GRXCR1: variants seen among roughly 807,000 people sequenced by gnomAD.
The protein encoded by GRXCR1 is glutaredoxin and cysteine rich domain containing 1.
In GRXCR1, 27 loss-of-function variants were observed where a neutral mutation model predicts 27.3. The ratio of observed to expected loss-of-function variants is 0.99; its 90% CI spans 0.73 to 1.37. GRXCR1 has a LOEUF of 1.37. GRXCR1 is among the 40% of genes most tolerant of loss of function. The pLI is 0.00. For missense variants in GRXCR1, 379 were observed against 354.4 expected (o/e 1.07, Z -0.56); for synonymous variants, 122 against 131.1 (o/e 0.93, Z 0.47).
chr4:42,905,553 A>G (rs979388436), intron 1 of GRXCR1, among the ~76,000 whole-genome samples: 3 of 152,168 alleles, frequency 2.0e-5, no homozygotes, highest in Non-Finnish European at 4.4e-5. Flanking sequence ...GTGGCTTTAT[A>G]TATGATAAAG....
intron 1 of GRXCR1, among the ~76,000 whole-genome samples, chr4:42,918,869 G>C (rs779536482): frequency 6.6e-6 from 1 of 152,066 alleles, no homozygotes; most frequent in East Asian, 1.9e-4. Flanking sequence ...ATTAAAAAGC[G>C]AGTGGAGTCT....
intron 2 of GRXCR1, among the ~76,000 whole-genome samples, chr4:42,978,847 G>T (rs1434147644): frequency 1.3e-5 from 2 of 152,124 alleles, no homozygotes; most frequent in Middle Eastern, 3.4e-3. Flanking sequence ...AAAGAGACCA[G>T]GTGGAGGTAA....
intron 2 of GRXCR1, among the ~76,000 whole-genome samples, chr4:43,008,544 T>G (rs1428126267): frequency 6.6e-6 from 1 of 152,244 alleles, no homozygotes; most frequent in East Asian, 1.9e-4. Context: ...AAATTTAATA[T>G]ATTACTATCA....
intron 2 of GRXCR1, among the ~76,000 whole-genome samples, chr4:42,984,736 A>C (rs964059875): frequency 1.3e-5 from 2 of 152,124 alleles, no homozygotes; most frequent in Non-Finnish European, 2.9e-5. Context: ...CAGACCAGAA[A>C]CTCAGAACTG....
chr4:42,911,259 T>C (rs1320200208), intron 1 of GRXCR1, among the ~76,000 whole-genome samples: 3 of 152,282 alleles, frequency 2.0e-5, no homozygotes, highest in South Asian at 4.1e-4. Flanking sequence ...TCCAAAGCAA[T>C]TGAAGCATGA....
At chr4:42,956,858 C>A (rs1001749355) in intron 1 of GRXCR1, among the ~76,000 whole-genome samples, 3 of 152,020 alleles carry the variant, frequency 2.0e-5, no homozygotes, top group Non-Finnish European at 4.4e-5. Context: ...AAACGTAAAC[C>A]AGGTTTAGTG....
chr4:43,006,648 C>T (rs200066359), intron 2 of GRXCR1, among the ~76,000 whole-genome samples: 39 of 152,246 alleles, frequency 2.6e-4, no homozygotes, highest in African/African-American at 4.6e-4. Flanking sequence ...CAATGGTGCC[C>T]GAAACTTCAT....
chr4:43,026,276 T>C (rs1255006594), intron 3 of GRXCR1, among the ~76,000 whole-genome samples: 3 of 152,188 alleles, frequency 2.0e-5, no homozygotes, highest in Non-Finnish European at 4.4e-5. Context: ...CTGGGTTTTC[T>C]TTGTACAGAA....
chr4:43,029,444 T>C (rs28760345), intron 3 of GRXCR1, among the ~76,000 whole-genome samples: 9,806 of 152,252 alleles, frequency 0.064, 974 homozygotes, highest in African/African-American at 0.22. Flanking sequence ...GGAAGCTTAG[T>C]ATCAATTTAC....
At chr4:43,013,840 G>A (rs1712843533) in intron 2 of GRXCR1, among the ~76,000 whole-genome samples, 1 of 152,078 alleles carries the variant, frequency 6.6e-6, no homozygotes, top group African/African-American at 2.4e-5. Flanking sequence ...GAATGGGAGA[G>A]ATGGCTTTCT....
intron 1 of GRXCR1, among the ~76,000 whole-genome samples, chr4:42,911,335 A>G (rs1746718481): frequency 6.6e-6 from 1 of 152,176 alleles, no homozygotes; most frequent in Non-Finnish European, 1.5e-5. Context: ...CAAAAAAGCA[A>G]TAGCAACAAA....
chr4:42,933,432 T>G (rs1303194474), intron 1 of GRXCR1, among the ~76,000 whole-genome samples: 2 of 152,072 alleles, frequency 1.3e-5, no homozygotes, highest in East Asian at 2.0e-4. Flanking sequence ...AACTCTCATG[T>G]AGCAGCAACA....
At chr4:42,912,340 A>C (rs577383291) in intron 1 of GRXCR1, among the ~76,000 whole-genome samples, 5 of 152,278 alleles carry the variant, frequency 3.3e-5, no homozygotes, top group African/African-American at 1.2e-4. Context: ...AAGGACCTGA[A>C]GATAATCAGG....
intron 1 of GRXCR1, among the ~76,000 whole-genome samples, chr4:42,961,157 A>G (rs1748122620): frequency 6.6e-6 from 1 of 151,916 alleles, no homozygotes; most frequent in East Asian, 1.9e-4. Context: ...AGCTCCATTC[A>G]TGTCCCTGCA....
intron 2 of GRXCR1, among the ~76,000 whole-genome samples, chr4:43,005,090 T>C (rs1712514303): frequency 6.6e-6 from 1 of 152,168 alleles, no homozygotes; most frequent in Non-Finnish European, 1.5e-5. Context: ...GTTCTCATGA[T>C]AGTGAGTGAG....
At position 42,899,847 on chromosome 4, in the gene GRXCR1, T is replaced by C. The variant is rs115099009; in HGVS notation, c.384+6197T>C. On this transcript the variant is annotated intron_variant, in intron 1 of 3. Transcript: ENST00000399770. ...TCATGACATTTTAAACTGTGGAACATTGGTAATTCCCTGAGCTTAATCCTA... is the reference window on the plus strand; with the variant it reads ...TCATGACATTTTAAACTGTGGAACACTGGTAATTCCCTGAGCTTAATCCTA... Among the ~76,000 whole-genome samples, 463 of 152,282 alleles carry C rather than the reference T, an allele frequency of 3.0e-3. 2 individuals carry two copies. Among genetic ancestry groups the C allele is most frequent in the Non-Finnish European group, 3.1e-3 (208 of 68,020 alleles).
chr4:42,898,487 A>G (rs1019810332), intron 1 of GRXCR1, among the ~76,000 whole-genome samples: 1 of 152,028 alleles, frequency 6.6e-6, no homozygotes, highest in Non-Finnish European at 1.5e-5. Context: ...AGTATTTATT[A>G]TGCATCTCTG....
At chr4:42,937,373 T>C (rs1456549042) in intron 1 of GRXCR1, among the ~76,000 whole-genome samples, 3 of 151,836 alleles carry the variant, frequency 2.0e-5, no homozygotes, top group Non-Finnish European at 4.4e-5. Flanking sequence ...TATAATTAGC[T>C]GTTTCTTCAA....
At chr4:42,893,925 C>G (rs924036165) in intron 1 of GRXCR1, among the ~76,000 whole-genome samples, 5 of 152,090 alleles carry the variant, frequency 3.3e-5, no homozygotes, top group Admixed American at 3.3e-4. Context: ...CTGTCTACTT[C>G]TTTGCTAAGG....
Sources: allele counts gnomAD v4.1 joint callset (sites outside exome capture counted in the v4.1 genomes callset), GRCh38; gene constraint gnomAD v4.1.1; transcripts MANE v1.5; gene names NCBI Gene and HGNC (gene_info 2026-07-23, HGNC 2026-07-21).